Variants in AHRR observed in about 807,000 individuals in gnomAD.
AHRR encodes aryl hydrocarbon receptor repressor, also known as ahR repressor.
In AHRR, 28 loss-of-function variants were observed where a neutral mutation model predicts 44.0. The ratio of observed to expected loss-of-function variants is 0.64; its 90% CI spans 0.47 to 0.87. The LOEUF (loss-of-function observed/expected upper bound fraction) is 0.87. AHRR is among the 40% of genes least tolerant of loss of function. The pLI, the probability that AHRR is intolerant of heterozygous loss-of-function variation, is 0.00. For missense variants in AHRR, 990 were observed against 953.9 expected, an observed-to-expected ratio of 1.04 and a Z score of -0.50; for synonymous variants, 434 against 407.0, an observed-to-expected ratio of 1.07 and a Z score of -0.80.
At position 434,212 on chromosome 5, in the gene AHRR, A is replaced by G. The variant is rs751841069; in HGVS notation, c.1472A>G (p.Gln491Arg). ...CHFPQRSLQH[Q>R]LPQPGAQRFA... ...TTTCCCCAGAGGAGCCTGCAGCACC[A>G]GCTCCCTCAGCCTGGAGCTCAGCGT... The change falls in exon 11 of 11, where the codon CAG (glutamine) becomes CGG (arginine). Residue 491 changes from glutamine (Q) to arginine (R), a missense_variant. Coordinates refer to ENST00000684583, the MANE Select transcript of AHRR (RefSeq NM_001377236.1). 2 of 1,589,566 alleles carry G rather than the reference A, an allele frequency of 1.3e-6. No homozygotes were observed. The highest frequency in any genetic ancestry group is 1.7e-5 in the Admixed American group (1 of 57,818).
In AHRR at chr5:404,195, C is replaced by A. The variant is rs183416713; in HGVS notation, c.352-9149C>A. 6 of 531,660 alleles carry A rather than the reference C, an allele frequency of 1.1e-5. No individual in the cohort carries two copies. The highest frequency in any genetic ancestry group is 2.2e-5 in the Non-Finnish European group (6 of 274,064). 32.9% of individuals were successfully genotyped at this position (531,660 alleles called of 1,614,324 possible). A position where few individuals can be genotyped will look rare whatever the true frequency, so the allele number is the denominator to read the frequency against. On this transcript the variant is annotated intron_variant, in intron 4 of 10. Transcript: ENST00000684583. This position sits in a 1 kb window ranked among gnomAD's most constrained non-coding sequence, Gnocchi z 4.1. ...CCTGTCACGAGCTGGTCTTCTGCAGCCTTTGAACCCGTCGCAGCTCTCGCT... is the reference window on the plus strand; with the variant it reads ...CCTGTCACGAGCTGGTCTTCTGCAGACTTTGAACCCGTCGCAGCTCTCGCT...
intron 2 of AHRR, among the ~76,000 whole-genome samples, chr5:344,437 G>A (rs1742502101): frequency 3.8e-5 from 1 of 26,314 alleles, no homozygotes; most frequent in Admixed American, 2.9e-4. Context: ...GTGAGGCTGT[G>A]GGGGGCTGTG....
intron 1 of AHRR, among the ~76,000 whole-genome samples, chr5:324,277 G>T (rs1344558633): frequency 6.6e-6 from 1 of 151,066 alleles, no homozygotes; most frequent in South Asian, 2.1e-4. Flanking sequence ...CTAAATGTTG[G>T]CCAGGCTGGT....
At position 395,208 on chromosome 5, in the gene AHRR, C is replaced by T. The variant is rs535626470; in HGVS notation, c.352-18136C>T. On this transcript the variant is annotated intron_variant, in intron 4 of 10. Transcript: ENST00000684583. This position sits in a 1 kb window ranked among gnomAD's most constrained non-coding sequence, Gnocchi z 5.3. ...GGGGATCCTGTCCTCAAGTCCCCCT[C>T]CTGCCAGGTGGCCGACACTGGCTGC... Among the ~76,000 whole-genome samples, 857 of 152,338 alleles carry T rather than the reference C, an allele frequency of 5.6e-3. 4 individuals carry two copies. Among genetic ancestry groups the T allele is most frequent in the Middle Eastern group, 0.01 (3 of 294 alleles).
At chr5:364,971 C>T (rs797017402) in intron 3 of AHRR, among the ~76,000 whole-genome samples, 119 of 151,860 alleles carry the variant, frequency 7.8e-4, no homozygotes, top group African/African-American at 2.7e-3. Flanking sequence ...TTATTCTTTC[C>T]ATAACATAAT....
chr5:323,760 A>G (rs1009604765), intron 1 of AHRR, among the ~76,000 whole-genome samples: 2 of 152,120 alleles, frequency 1.3e-5, no homozygotes, highest in Non-Finnish European at 2.9e-5. Context: ...GGTGGCCCTG[A>G]CCAGTGTTAA....
rs972147814 is a variant in AHRR, at chr5:337,296, G to A, written c.-10-6597G>A. Among the ~76,000 whole-genome samples, 1 of 152,050 alleles carries A rather than the reference G, an allele frequency of 6.6e-6. No individual in the cohort carries two copies. The highest frequency in any genetic ancestry group is 2.4e-5 in the African/African-American group (1 of 41,376). ...TTATAGAGAAGCAAATCCCTAACAT[G>A]CCATTTATTTCATATGTGTTTTAAT... On this transcript the variant is annotated intron_variant, in intron 1 of 10. Transcript: ENST00000684583. This position sits in a 1 kb window ranked among gnomAD's most constrained non-coding sequence, Gnocchi z 4.1.
At chr5:360,794 G>T (rs1743152546) in intron 3 of AHRR, among the ~76,000 whole-genome samples, 1 of 152,194 alleles carries the variant, frequency 6.6e-6, no homozygotes, top group South Asian at 2.1e-4. Context: ...ATGAAATGGG[G>T]TGTTTTGCTG....
chr5:345,549 G>GA (rs1742636324), intron 2 of AHRR, among the ~76,000 whole-genome samples: 1 of 127,698 alleles, frequency 7.8e-6, no homozygotes, highest in Non-Finnish European at 1.7e-5. Context: ...TGTGTGTGGG[G>GA]ATGTGTGTGT....
chr5:392,516 C>T (rs971790993), intron 4 of AHRR, among the ~76,000 whole-genome samples: 2 of 152,052 alleles, frequency 1.3e-5, no homozygotes, highest in African/African-American at 2.4e-5. Context: ...CAGGTGCAGA[C>T]GCGGCGTCCA....
intron 1 of AHRR, among the ~76,000 whole-genome samples, chr5:334,545 A>T (rs964407470): frequency 3.7e-4 from 56 of 151,804 alleles, no homozygotes; most frequent in African/African-American, 5.8e-4. Context: ...GGTTTTTTTT[A>T]AAAAATGTAT....
At chr5:415,376 T>TGGGGC (rs1735697756) in intron 5 of AHRR, among the ~76,000 whole-genome samples, 1 of 47,082 alleles carries the variant, frequency 2.1e-5, no homozygotes, top group African/African-American at 5.9e-5. Flanking sequence ...CCTGGTCGGG[T>TGGGGC]GGGAGGCCTA....
Position 368,054 on chromosome 5 carries a change from A to C in AHRR, c.245-8556A>C, listed in dbSNP as rs531937217. ...AGCCCCATATGGGTGTTAGTTGTAAATTCATGGTTACATAACATAATAAAT... is the reference window on the plus strand; with the variant it reads ...AGCCCCATATGGGTGTTAGTTGTAACTTCATGGTTACATAACATAATAAAT... On this transcript the variant is annotated intron_variant, in intron 3 of 10. Coordinates refer to ENST00000684583, the MANE Select transcript of AHRR (RefSeq NM_001377236.1). 5 of 629,708 alleles carry C rather than the reference A, an allele frequency of 7.9e-6. No individual in the cohort carries two copies. The East Asian group carries it at 1.4e-4, about 18-fold the overall frequency. 39.0% of individuals were successfully genotyped at this position (629,708 alleles called of 1,614,324 possible). A position where few individuals can be genotyped will look rare whatever the true frequency, so the allele number is the denominator to read the frequency against.
intron 2 of AHRR, among the ~76,000 whole-genome samples, chr5:344,363 GGCGAGGCTAT>G (rs916836327): frequency 3.4e-5 from 5 of 149,220 alleles, no homozygotes; most frequent in African/African-American, 1.2e-4. Context: ...GTGCGTGTGT[GGCGAGGCTAT>G]GCGAGGCTGT....
intron 4 of AHRR, among the ~76,000 whole-genome samples, chr5:390,082 C>T (rs939887012): frequency 2.8e-4 from 43 of 151,878 alleles, no homozygotes; most frequent in African/African-American, 8.0e-4. Flanking sequence ...AGACAGAGGC[C>T]GGAAAGGACA....
intron 2 of AHRR, among the ~76,000 whole-genome samples, chr5:352,506 T>C (rs202064828): frequency 1.7e-4 from 20 of 118,394 alleles, no homozygotes; most frequent in South Asian, 9.3e-4. Context: ...CTGTAGGGGA[T>C]GGTCACTGTG....
At chr5:403,085 G>A (rs1057291902) in intron 4 of AHRR, among the ~76,000 whole-genome samples, 3 of 152,146 alleles carry the variant, frequency 2.0e-5, no homozygotes, top group Non-Finnish European at 2.9e-5. Flanking sequence ...ACTGTGGCTC[G>A]GATCCACCTT....
In AHRR at chr5:427,951, A is replaced by G. The variant is rs775291415; in HGVS notation, c.853A>G (p.Ser285Gly). The part of the protein sequence containing the change: ...LPSAAEMKMR[S>G]ALLRAKPRAD... ...CTCCGCAGCGGAGATGAAAATGAGG[A>G]GCGCGCTCCTGAGGGCAAAACCCAG... Residue 285 changes from serine (S) to glycine (G), a missense_variant, in exon 8 of 11, where the codon AGC (serine) becomes GGC (glycine). Coordinates refer to ENST00000684583, the MANE Select transcript of AHRR (RefSeq NM_001377236.1). 31 of 1,613,990 alleles carry G rather than the reference A, an allele frequency of 1.9e-5. No homozygotes were observed. Among genetic ancestry groups the G allele is most frequent in the Non-Finnish European group, 2.5e-5 (30 of 1,180,022 alleles).
At chr5:421,548 C>G (rs570365877) in intron 5 of AHRR, among the ~76,000 whole-genome samples, 1 of 152,242 alleles carries the variant, frequency 6.6e-6, no homozygotes. Context: ...GCCTAGGTTA[C>G]CCTCCAGTTA....
Sources: gnomAD v4.1 joint callset for allele counts (sites outside exome capture counted in the v4.1 genomes callset) on GRCh38, gnomAD v4.1.1 for gene constraint, Gnocchi (gnomAD v3.1) non-coding constraint, MANE v1.5 for transcripts, NCBI Gene and HGNC (gene_info 2026-07-23, HGNC 2026-07-21) for gene names.